Variants in RANGAP1 observed in about 807,000 individuals in gnomAD.
RANGAP1 encodes the protein Ran GTPase activating protein 1, also known as ran GTPase-activating protein 1.
In RANGAP1, 38 loss-of-function variants were observed where a neutral mutation model predicts 63.5. The observed-to-expected ratio is 0.60, with a 90% CI of 0.46 to 0.78. The LOEUF (loss-of-function observed/expected upper bound fraction) is 0.78, where lower values mean the gene tolerates loss of function less well. Ranked by LOEUF, RANGAP1 falls within the 30% of genes least tolerant of loss-of-function variation. The pLI is 0.00. For missense variants in RANGAP1, 630 were observed against 740.3 expected, an observed-to-expected ratio of 0.85 and a Z score of 1.73; for synonymous variants, 329 against 310.5, an observed-to-expected ratio of 1.06 and a Z score of -0.63.
At chr22:41,266,467 C>G (rs1228326388) in intron 4 of RANGAP1, among the ~76,000 whole-genome samples, 1 of 152,186 alleles carries the variant, frequency 6.6e-6, no homozygotes, top group Non-Finnish European at 1.5e-5. Context: ...TTAGGCAAAA[C>G]TTGCACAGTG....
intron 6 of RANGAP1, among the ~76,000 whole-genome samples, chr22:41,259,433 T>A (rs1255933363): frequency 6.6e-6 from 1 of 152,164 alleles, no homozygotes; most frequent in East Asian, 1.9e-4. Flanking sequence ...AAATGTTTTT[T>A]TAAAATTTTA....
the RANGAP1 span, among the ~76,000 whole-genome samples, chr22:41,291,337 C>T: frequency 2.0e-5 from 3 of 152,164 alleles, no homozygotes; most frequent in South Asian, 2.1e-4. Context: ...GTGGCTCCCG[C>T]CTGTAATCCC....
intron 1 of RANGAP1, chr22:41,285,706 G>C: frequency 1.0e-6 from 1 of 983,604 alleles, no homozygotes; most frequent in Non-Finnish European, 1.2e-6. Context: ...GCCTCCGGTT[G>C]ACAACAATGC....
chr22:41,272,410 G>A (rs930186551), intron 3 of RANGAP1, among the ~76,000 whole-genome samples: 4 of 152,090 alleles, frequency 2.6e-5, no homozygotes, highest in African/African-American at 7.2e-5. Context: ...CCCTTCCGGC[G>A]TGAATCCTCT....
chr22:41,268,028 T>C (rs2034583545), intron 4 of RANGAP1, 69 bp downstream of exon 4: 1 of 1,417,338 alleles, frequency 7.1e-7, no homozygotes, highest in Non-Finnish European at 9.7e-7. Context: ...GAATAAAGCA[T>C]GAGAAAAGCC....
chr22:41,250,645 G>T (rs1239273193), intron 13 of RANGAP1, among the ~76,000 whole-genome samples: 1 of 152,184 alleles, frequency 6.6e-6, no homozygotes, highest in East Asian at 1.9e-4. Flanking sequence ...GAGTGGACGT[G>T]AGCACAGAAG....
chr22:41,259,901 G>A (rs1372557960), intron 6 of RANGAP1, among the ~76,000 whole-genome samples: 1 of 152,176 alleles, frequency 6.6e-6, no homozygotes, highest in African/African-American at 2.4e-5. Flanking sequence ...AGCTAATCGG[G>A]AGGCTGAGGT....
At chr22:41,253,303 C>G (rs959123441) in intron 11 of RANGAP1, among the ~76,000 whole-genome samples, 4 of 152,218 alleles carry the variant, frequency 2.6e-5, no homozygotes, top group African/African-American at 7.2e-5. Context: ...ACTACGGAGG[C>G]ACATGGGGGC....
At position 41,282,812 on chromosome 22, in the gene RANGAP1, G is replaced by A. The variant is rs555322765; in HGVS notation, c.-38-1730C>T. Among the ~76,000 whole-genome samples the A allele has an allele frequency of 1.6e-4, 24 of 152,248 alleles. 1 individual carries two copies. In the South Asian group the frequency reaches 3.7e-3, roughly 24 times the overall value. On this transcript the variant is annotated intron_variant, in intron 1 of 15. Transcript: ENST00000356244. ...CTGAATAGTGTTTACTTTGTGGTATGAATAAACGTATCTGTGAGATGCTCC... is the reference window on the plus strand; with the variant it reads ...CTGAATAGTGTTTACTTTGTGGTATAAATAAACGTATCTGTGAGATGCTCC...
chr22:41,248,974 C>G (rs2033242506), intron 15 of RANGAP1, among the ~76,000 whole-genome samples: 1 of 152,256 alleles, frequency 6.6e-6, no homozygotes. Flanking sequence ...CAGCACCTCG[C>G]TCAGCAGACA....
chr22:41,248,963 G>T (rs531858433), intron 15 of RANGAP1, among the ~76,000 whole-genome samples: 1 of 152,238 alleles, frequency 6.6e-6, no homozygotes, highest in South Asian at 2.1e-4. Context: ...GTCACCAACC[G>T]CAGCACCTCG....
At chr22:41,270,365 G>A (rs1386815731) in intron 3 of RANGAP1, among the ~76,000 whole-genome samples, 1 of 152,066 alleles carries the variant, frequency 6.6e-6, no homozygotes, top group Non-Finnish European at 1.5e-5. Context: ...GGCTGGTCTT[G>A]AACTCCTGAC....
chr22:41,262,025 G>A (rs967001997), intron 5 of RANGAP1, among the ~76,000 whole-genome samples: 2 of 152,178 alleles, frequency 1.3e-5, no homozygotes, highest in African/African-American at 4.8e-5. Context: ...ATAAACAAGT[G>A]GTGGACTCTG....
chr22:41,272,708 A>G (rs1431082201), intron 3 of RANGAP1, among the ~76,000 whole-genome samples: 1 of 151,754 alleles, frequency 6.6e-6, no homozygotes, highest in Non-Finnish European at 1.5e-5. Flanking sequence ...TTGAGATGGG[A>G]TTTCACCATG....
At chr22:41,284,976 G>A (rs1349567097) in intron 1 of RANGAP1, 3 of 152,132 alleles carry the variant, frequency 2.0e-5, no homozygotes, top group Non-Finnish European at 4.4e-5. Flanking sequence ...CTGGGCAACA[G>A]AATGAGACCC....
intron 6 of RANGAP1, among the ~76,000 whole-genome samples, chr22:41,258,625 C>T (rs1362665555): frequency 6.6e-6 from 1 of 152,168 alleles, no homozygotes; most frequent in African/African-American, 2.4e-5. Flanking sequence ...TACCCATTCT[C>T]TCTGCCTCCT....
At chr22:41,302,127 C>T in the RANGAP1 span, among the ~76,000 whole-genome samples, 1 of 152,032 alleles carries the variant, frequency 6.6e-6, no homozygotes, top group Admixed American at 6.5e-5. The surrounding 1 kb of genome is among the most constrained non-coding windows in gnomAD (Gnocchi z 5.7). Context: ...CTCTCTTCGG[C>T]GTCCGGAGCT....
chr22:41,252,748 C>G (rs986690022), intron 12 of RANGAP1, 124 bp downstream of exon 12: 131 of 1,173,818 alleles, frequency 1.1e-4, no homozygotes, highest in Admixed American at 2.0e-4. Flanking sequence ...CAGTGGCAGG[C>G]CAAGCCTCCC....
At chr22:41,297,938 C>T in the RANGAP1 span, among the ~76,000 whole-genome samples, 1 of 151,788 alleles carries the variant, frequency 6.6e-6, no homozygotes. Context: ...CGGCTCACTA[C>T]AACGTCCGCC....
Sources: allele counts gnomAD v4.1 joint callset (sites outside exome capture counted in the v4.1 genomes callset), GRCh38; gene constraint gnomAD v4.1.1; non-coding constraint Gnocchi (gnomAD v3.1); transcripts MANE v1.5; gene names NCBI Gene and HGNC (gene_info 2026-07-23, HGNC 2026-07-21).